The following LRBA variants were observed in gnomAD, a reference collection of about 807,000 sequenced individuals.
LRBA encodes the protein lipopolysaccharide-responsive and beige-like anchor protein.
In LRBA, 176 loss-of-function variants were observed where a neutral mutation model predicts 330.0. The ratio of observed to expected loss-of-function variants is 0.53; its 90% CI spans 0.47 to 0.60. The LOEUF is 0.60. LRBA is among the 20% of genes least tolerant of loss of function. LRBA has a pLI of 0.00. For synonymous variants in LRBA, 1,230 were observed against 1,193.0 expected (o/e 1.03, Z -0.64); for missense variants, 3,259 against 3,444.8 (o/e 0.95, Z 1.35).
chr4:150,922,631 G>A (rs1179154680), intron 4 of LRBA, among the ~76,000 whole-genome samples: 2 of 151,868 alleles, frequency 1.3e-5, no homozygotes, highest in East Asian at 1.9e-4. Context: ...AGTGGGAGGC[G>A]GGTGAGAGAT....
At chr4:150,680,921 TG>T (rs1208926245) in intron 37 of LRBA, among the ~76,000 whole-genome samples, 1 of 152,154 alleles carries the variant, frequency 6.6e-6, no homozygotes, top group Non-Finnish European at 1.5e-5. Context: ...ATGACATTAA[TG>T]GGAAAGTATC....
chr4:150,826,034 T>A (rs777479245), intron 30 of LRBA, among the ~76,000 whole-genome samples: 7 of 152,184 alleles, frequency 4.6e-5, no homozygotes, highest in Non-Finnish European at 5.9e-5. Context: ...ATCTTTATCT[T>A]GCACTGAAAA....
intron 36 of LRBA, among the ~76,000 whole-genome samples, chr4:150,689,280 A>AGGGGAACATCATACACCGGGGCCTGTAT (rs1443815249): frequency 2.0e-5 from 3 of 152,088 alleles, no homozygotes; most frequent in Non-Finnish European, 4.4e-5. Flanking sequence ...GGGCACGGAG[A>AGGGGAACATCATACACCGGGGCCTGTAT]GGGGAACATC....
intron 2 of LRBA, among the ~76,000 whole-genome samples, chr4:150,948,643 A>G (rs536143346): frequency 9.2e-5 from 14 of 152,134 alleles, no homozygotes; most frequent in Admixed American, 8.5e-4. Flanking sequence ...TCACCAAAAA[A>G]CCTTTTCAGG....
chr4:150,616,279 A>C (rs1775764612), intron 37 of LRBA, among the ~76,000 whole-genome samples: 1 of 152,202 alleles, frequency 6.6e-6, no homozygotes, highest in Non-Finnish European at 1.5e-5. Context: ...TGGAGAAGAA[A>C]ATGGAAAAGT....
chr4:150,354,636 G>T (rs1182357096), intron 47 of LRBA, among the ~76,000 whole-genome samples: 3 of 152,006 alleles, frequency 2.0e-5, no homozygotes, highest in African/African-American at 7.2e-5. Context: ...ACTATGAAAA[G>T]ACTATCATAT....
Position 150,490,915 on chromosome 4 carries a change from T to C in LRBA, c.6448+3A>G, listed in dbSNP as rs1758851601. On this transcript the variant is annotated splice_donor_region_variant and intron_variant, in intron 41 of 56. Transcript: ENST00000651943. ...GTAACAACGTATTTCTGTAACACATTACCTCTGTTTGCCATAAAGATCTCC... is the reference window on the plus strand; with the variant it reads ...GTAACAACGTATTTCTGTAACACATCACCTCTGTTTGCCATAAAGATCTCC... The C allele has an allele frequency of 1.3e-6, 2 of 1,553,904 alleles. No homozygotes were observed. Among genetic ancestry groups the C allele is most frequent in the Middle Eastern group, 1.7e-4 (1 of 5,908 alleles).
chr4:150,730,201 A>G (rs2127121905), intron 36 of LRBA, among the ~76,000 whole-genome samples: 1 of 152,368 alleles, frequency 6.6e-6, no homozygotes, highest in African/African-American at 2.4e-5. Flanking sequence ...CAACAAAGTG[A>G]AGAGACAACC....
intron 40 of LRBA, among the ~76,000 whole-genome samples, chr4:150,558,278 G>T (rs1561348450): frequency 1.3e-5 from 2 of 152,028 alleles, no homozygotes; most frequent in Admixed American, 1.3e-4. Flanking sequence ...ATTTCTTTTG[G>T]GGGGAGTATC....
intron 17 of LRBA, among the ~76,000 whole-genome samples, chr4:150,873,700 A>T (rs971711938): frequency 1.3e-5 from 2 of 152,188 alleles, no homozygotes; most frequent in African/African-American, 4.8e-5. Flanking sequence ...CCTTCCTCAT[A>T]AACATTTAGA....
At chr4:150,869,741 A>C (rs555790538) in intron 20 of LRBA, among the ~76,000 whole-genome samples, 3 of 152,202 alleles carry the variant, frequency 2.0e-5, no homozygotes, top group East Asian at 1.9e-4. Context: ...ATTAAAACAA[A>C]AAAAAAAATT....
chr4:150,468,391 C>A (rs1283862485), intron 43 of LRBA, among the ~76,000 whole-genome samples: 1 of 152,006 alleles, frequency 6.6e-6, no homozygotes, highest in Non-Finnish European at 1.5e-5. Context: ...CTTACATGCC[C>A]AAATGTGGCC....
Position 150,977,592 on chromosome 4 carries a change from C to T in LRBA, c.216+36835G>A, listed in dbSNP as rs184456525. Among the ~76,000 whole-genome samples, 107 of 152,224 alleles carry T rather than the reference C, an allele frequency of 7.0e-4. 3 individuals carry two copies. The Middle Eastern group carries it at 0.01, about 15-fold the overall frequency. ...ACAGTGGTGTAAAGCACCAAAAGGG[C>T]TCCTGAGATCCCCGATTCTAGGCTT... On this transcript the variant is annotated intron_variant, in intron 2 of 56. Coordinates refer to ENST00000651943, the MANE Select transcript of LRBA (RefSeq NM_001364905.1).
At chr4:150,315,524 G>C in intron 51 of LRBA, 37 bp downstream of exon 51, 5 of 1,554,952 alleles carry the variant, frequency 3.2e-6, no homozygotes. Flanking sequence ...ACCATACAGA[G>C]CTTAATGAAT....
At chr4:150,895,285 AT>A (rs1030403738) in intron 16 of LRBA, among the ~76,000 whole-genome samples, 5 of 151,496 alleles carry the variant, frequency 3.3e-5, no homozygotes, top group East Asian at 1.9e-4. Context: ...TTTTCTTTTT[AT>A]TTTTTTTTAA....
intron 28 of LRBA, among the ~76,000 whole-genome samples, chr4:150,841,675 C>CA (rs1436688867): frequency 1.3e-5 from 2 of 151,236 alleles, no homozygotes; most frequent in African/African-American, 4.9e-5. Context: ...TTTTTTGAGA[C>CA]AGAGTCTTGC....
chr4:150,266,904 G>A (rs1418248472), intron 56 of LRBA, among the ~76,000 whole-genome samples: 1 of 152,050 alleles, frequency 6.6e-6, no homozygotes, highest in Admixed American at 6.5e-5. Flanking sequence ...AGAGAGCTGA[G>A]GTGGCTTACA....
At chr4:150,452,789 T>C (rs1029911038) in intron 44 of LRBA, among the ~76,000 whole-genome samples, 3 of 152,172 alleles carry the variant, frequency 2.0e-5, no homozygotes, top group African/African-American at 7.2e-5. Context: ...TAAGTCTTCA[T>C]TTCACAATGC....
chr4:150,704,276 C>T (rs1785396642), intron 36 of LRBA, among the ~76,000 whole-genome samples: 1 of 151,842 alleles, frequency 6.6e-6, no homozygotes, highest in Non-Finnish European at 1.5e-5. Context: ...CAAATAAACA[C>T]TCATAATAAA....
Sources: allele counts gnomAD v4.1 joint callset (sites outside exome capture counted in the v4.1 genomes callset), GRCh38; gene constraint gnomAD v4.1.1; transcripts MANE v1.5; gene names NCBI Gene and HGNC (gene_info 2026-07-23, HGNC 2026-07-21).